The following POU2F1 variants were observed in gnomAD, a reference collection of about 807,000 sequenced individuals.
POU2F1 encodes POU class 2 homeobox 1, also known as POU domain, class 2, transcription factor 1.
POU2F1 carries 16 observed loss-of-function variants against 84.9 expected under a neutral mutation model. That is an observed-to-expected ratio of 0.19 (90% CI 0.13 to 0.29). POU2F1 has a LOEUF of 0.29. Among genes scored for constraint, POU2F1 ranks in the 10% least tolerant of loss-of-function variants. The pLI, the probability that POU2F1 is intolerant of heterozygous loss-of-function variation, is 1.00. For synonymous variants in POU2F1, 368 were observed against 368.3 expected, an observed-to-expected ratio of 1.00 and a Z score of 0.01; for missense variants, 738 against 942.6, an observed-to-expected ratio of 0.78 and a Z score of 2.84.
At chr1:167,397,678 T>C (rs1250116042) in intron 10 of POU2F1, among the ~76,000 whole-genome samples, 1 of 152,158 alleles carries the variant, frequency 6.6e-6, no homozygotes, top group Non-Finnish European at 1.5e-5. Context: ...CCCAAGTAAC[T>C]GGGACCACAG....
chr1:167,246,757 A>G (rs1032380903), intron 1 of POU2F1, among the ~76,000 whole-genome samples: 5 of 152,184 alleles, frequency 3.3e-5, no homozygotes, highest in Non-Finnish European at 7.4e-5. Context: ...GCTATGAACA[A>G]AGGTGCTTAT....
chr1:167,330,835 A>G (rs1053331770), intron 1 of POU2F1, among the ~76,000 whole-genome samples: 12 of 152,082 alleles, frequency 7.9e-5, no homozygotes, highest in African/African-American at 2.9e-4. Context: ...CATATGTGAG[A>G]AAACTGTTAC....
intron 1 of POU2F1, chr1:167,329,423 T>A: frequency 8.1e-7 from 1 of 1,237,472 alleles, no homozygotes; most frequent in Non-Finnish European, 1.1e-6. Flanking sequence ...AGGGGGAGAG[T>A]TGGACTGAGC....
chr1:167,224,066 G>T (rs969867764), intron 1 of POU2F1, among the ~76,000 whole-genome samples: 4 of 152,174 alleles, frequency 2.6e-5, no homozygotes, highest in Non-Finnish European at 5.9e-5. Context: ...ATGTACATTG[G>T]ATTTTACAAG....
At chr1:167,222,291 A>C (rs1216220603) in intron 1 of POU2F1, among the ~76,000 whole-genome samples, 1 of 151,330 alleles carries the variant, frequency 6.6e-6, no homozygotes, top group Non-Finnish European at 1.5e-5. Context: ...GGTCGTCTTT[A>C]CTCTCTGCTT....
intron 1 of POU2F1, among the ~76,000 whole-genome samples, chr1:167,327,733 A>G (rs1656804334): frequency 1.3e-5 from 2 of 152,162 alleles, no homozygotes; most frequent in African/African-American, 4.8e-5. Flanking sequence ...ACCACCTCTC[A>G]GCAATTCCCT....
intron 2 of POU2F1, among the ~76,000 whole-genome samples, chr1:167,356,167 T>TC (rs1215083692): frequency 2.0e-5 from 3 of 148,726 alleles, no homozygotes; most frequent in Non-Finnish European, 1.5e-5. Flanking sequence ...CTTTTTCTTT[T>TC]TTTTTTTTTT....
chr1:167,397,011 T>C (rs966311276), intron 10 of POU2F1, among the ~76,000 whole-genome samples: 1 of 152,192 alleles, frequency 6.6e-6, no homozygotes, highest in African/African-American at 2.4e-5. Flanking sequence ...TGAACAAAAA[T>C]TAGGCCTTTG....
At chr1:167,228,352 G>A (rs1648795756) in intron 1 of POU2F1, among the ~76,000 whole-genome samples, 2 of 152,088 alleles carry the variant, frequency 1.3e-5, no homozygotes, top group African/African-American at 4.8e-5. Flanking sequence ...AGAGGTATTT[G>A]GTTTATTAAC....
At chr1:167,277,954 A>G (rs540283840) in intron 1 of POU2F1, among the ~76,000 whole-genome samples, 59 of 152,288 alleles carry the variant, frequency 3.9e-4, no homozygotes, top group Non-Finnish European at 7.9e-4. Context: ...CTTGCAGCAC[A>G]ATAGTAGCCC....
chr1:167,229,928 C>T (rs1257330885), intron 1 of POU2F1, among the ~76,000 whole-genome samples: 1 of 152,176 alleles, frequency 6.6e-6, no homozygotes, highest in Non-Finnish European at 1.5e-5. Flanking sequence ...CCTACCCTTG[C>T]CTATGCATTA....
chr1:167,426,102 T>C lies in POU2F1; in HGVS notation c.*10292T>C, dbSNP rs1161889436. On this transcript the variant is annotated 3_prime_UTR_variant, in exon 16 of 16. Transcript: ENST00000367866. ...CCAAATGTTAATAATATTAGCCTGA[T>C]GCAGATACCAAAGATAATTTCTTTC... 6.6e-6 allele frequency: 1 copy of C among 152,148 alleles called. No homozygotes were observed. Among genetic ancestry groups the C allele is most frequent in the Admixed American group, 6.5e-5 (1 of 15,280 alleles). 9.4% of individuals were successfully genotyped at this position (152,148 alleles called of 1,614,324 possible).
At chr1:167,272,671 T>G (rs1389345294) in intron 1 of POU2F1, among the ~76,000 whole-genome samples, 1 of 152,098 alleles carries the variant, frequency 6.6e-6, no homozygotes, top group African/African-American at 2.4e-5. Flanking sequence ...AACTCACTAT[T>G]ACAAGAACAG....
chr1:167,375,488 A>G (rs1420944156), intron 6 of POU2F1, among the ~76,000 whole-genome samples: 2 of 152,210 alleles, frequency 1.3e-5, no homozygotes, highest in Non-Finnish European at 2.9e-5. Flanking sequence ...TTAAATTTTT[A>G]TATGGATAGC....
Position 167,418,098 on chromosome 1 carries a change from A to G in POU2F1, c.*2288A>G, listed in dbSNP as rs778326695. On this transcript the variant is annotated 3_prime_UTR_variant, in exon 16 of 16. Transcript: ENST00000367866. ...TTTAACTAAGCTTGAACCAAAGTCA[A>G]TTTTTAGCAAGCTGCTGTACTAATG... The G allele has an allele frequency of 1.1e-4, 17 of 152,130 alleles. No individual in the cohort carries two copies. The highest frequency in any genetic ancestry group is 3.2e-3 in the Middle Eastern group (1 of 316). 9.4% of individuals were successfully genotyped at this position (152,130 alleles called of 1,614,324 possible).
chr1:167,221,625 C>T (rs185554912), intron 1 of POU2F1, among the ~76,000 whole-genome samples: 22 of 150,852 alleles, frequency 1.5e-4, no homozygotes, highest in African/African-American at 3.1e-4. Context: ...GGGAGAGCTC[C>T]CTGCCCGCGC....
At chr1:167,373,293 T>C (rs1033895582) in intron 5 of POU2F1, among the ~76,000 whole-genome samples, 4 of 152,238 alleles carry the variant, frequency 2.6e-5, no homozygotes, top group African/African-American at 9.6e-5. Context: ...TTTACTACTT[T>C]AAGTGTGTTT....
At chr1:167,298,905 T>C (rs1654464134) in intron 1 of POU2F1, among the ~76,000 whole-genome samples, 1 of 152,176 alleles carries the variant, frequency 6.6e-6, no homozygotes, top group African/African-American at 2.4e-5. Context: ...GGCTCATGCC[T>C]GTAATCCCAG....
chr1:167,411,502 G>A (rs1181623555), intron 13 of POU2F1, among the ~76,000 whole-genome samples: 1 of 151,882 alleles, frequency 6.6e-6, no homozygotes, highest in Admixed American at 6.6e-5. Flanking sequence ...TTTATACTAT[G>A]TTGTTGTTGA....
Sources: gnomAD v4.1 joint callset for allele counts (sites outside exome capture counted in the v4.1 genomes callset) on GRCh38, gnomAD v4.1.1 for gene constraint, MANE v1.5 for transcripts, NCBI Gene and HGNC (gene_info 2026-07-23, HGNC 2026-07-21) for gene names.